Variants in METTL16 observed in about 807,000 individuals in gnomAD.
METTL16 encodes the protein RNA N(6)-adenosine-methyltransferase METTL16.
Under a neutral mutation model 57.9 loss-of-function variants are expected in METTL16, and 19 were observed. The ratio of observed to expected loss-of-function variants is 0.33; its 90% CI spans 0.23 to 0.48. METTL16 has a LOEUF of 0.48. Ranked by LOEUF, METTL16 falls within the 20% of genes least tolerant of loss-of-function variation. METTL16 has a pLI of 0.99. For synonymous variants in METTL16, 246 were observed against 255.6 expected, an observed-to-expected ratio of 0.96 and a Z score of 0.36; for missense variants, 434 against 691.5, an observed-to-expected ratio of 0.63 and a Z score of 4.18.
At chr17:2,441,436 C>T in intron 7 of METTL16, 54 bp downstream of exon 7, 2 of 1,309,548 alleles carry the variant, frequency 1.5e-6, no homozygotes, top group Non-Finnish European at 2.1e-6. Flanking sequence ...GTACTTGTGC[C>T]CCATGGATAC....
chr17:2,472,626 T>C (rs1309534336), intron 4 of METTL16, among the ~76,000 whole-genome samples: 1 of 151,824 alleles, frequency 6.6e-6, no homozygotes, highest in Non-Finnish European at 1.5e-5. Context: ...ATAAATGAGC[T>C]TTCTGCAATT....
intron 2 of METTL16, among the ~76,000 whole-genome samples, chr17:2,484,716 A>C (rs1013989426): frequency 6.6e-6 from 1 of 151,556 alleles, no homozygotes; most frequent in African/African-American, 2.4e-5. Context: ...CTGGTCTTGA[A>C]CTCCTGACCT....
intron 8 of METTL16, among the ~76,000 whole-genome samples, chr17:2,435,756 G>A (rs1305948497): frequency 2.4e-4 from 36 of 147,992 alleles, no homozygotes; most frequent in African/African-American, 8.4e-4. Flanking sequence ...CATTATTAGC[G>A]GCTTGGGGCT....
At chr17:2,503,695 G>A (rs7220778) in intron 1 of METTL16, among the ~76,000 whole-genome samples, 32,398 of 151,146 alleles carry the variant, frequency 0.21, 4,242 homozygotes, top group Middle Eastern at 0.32. Flanking sequence ...CAATAAATAT[G>A]GATCAACAAA....
intron 6 of METTL16, among the ~76,000 whole-genome samples, chr17:2,463,986 G>A (rs1397312706): frequency 1.3e-5 from 2 of 151,780 alleles, no homozygotes; most frequent in East Asian, 3.9e-4. Flanking sequence ...AAAAATTACA[G>A]GTGGCAGGTG....
intron 8 of METTL16, among the ~76,000 whole-genome samples, chr17:2,425,866 T>C (rs2066814108): frequency 6.6e-6 from 1 of 152,070 alleles, no homozygotes; most frequent in South Asian, 2.1e-4. Flanking sequence ...TTTGTATTTT[T>C]TGTAGAGATG....
intron 2 of METTL16, among the ~76,000 whole-genome samples, chr17:2,479,007 A>G (rs975846219): frequency 2.6e-5 from 4 of 152,194 alleles, no homozygotes; most frequent in African/African-American, 9.7e-5. Context: ...GACAGTCAGG[A>G]ATGGATCATA....
At chr17:2,495,239 AG>A (rs1237187056) in intron 2 of METTL16, among the ~76,000 whole-genome samples, 1 of 151,870 alleles carries the variant, frequency 6.6e-6, no homozygotes, top group Non-Finnish European at 1.5e-5. Flanking sequence ...CTGAGGTAAG[AG>A]GATCACCTGA....
chr17:2,418,071 G>C lies in METTL16; in HGVS notation c.*1899C>G, dbSNP rs570919524. 6.6e-6 allele frequency: 1 copy of C among 152,174 alleles called. No individual in the cohort carries two copies. The allele number at this position is 152,174 out of a possible 1,614,324, so 9.4% of individuals were successfully genotyped here. Reference sequence around the variant, plus strand: ...GAGTCTTGGCTCTGTGTGACCCTGGGTATTGTTTTTTGCAGCCTGACACAT... The same window carrying C: ...GAGTCTTGGCTCTGTGTGACCCTGGCTATTGTTTTTTGCAGCCTGACACAT... On this transcript the variant is annotated 3_prime_UTR_variant, in exon 10 of 10. Coordinates refer to ENST00000263092, the MANE Select transcript of METTL16 (RefSeq NM_024086.4).
intron 2 of METTL16, among the ~76,000 whole-genome samples, chr17:2,499,987 C>G (rs929778451): frequency 2.0e-5 from 3 of 152,140 alleles, no homozygotes; most frequent in Non-Finnish European, 4.4e-5. Flanking sequence ...CTCCTAACTT[C>G]AGGTGATCTG....
chr17:2,435,279 A>G (rs775217477), intron 8 of METTL16, among the ~76,000 whole-genome samples: 4 of 152,182 alleles, frequency 2.6e-5, no homozygotes, highest in Non-Finnish European at 4.4e-5. Flanking sequence ...AGTAACTTGC[A>G]CATTTACCCT....
At chr17:2,438,277 T>G in intron 7 of METTL16, 79 bp from the exon 8 acceptor site, 1 of 1,012,912 alleles carries the variant, frequency 9.9e-7, no homozygotes, top group Non-Finnish European at 1.6e-6. Flanking sequence ...TCATGCCATA[T>G]TATGTTGATC....
chr17:2,439,573 G>A (rs1049987789), intron 7 of METTL16, among the ~76,000 whole-genome samples: 1 of 152,070 alleles, frequency 6.6e-6, no homozygotes, highest in Admixed American at 6.6e-5. Context: ...AACCTATGTA[G>A]CTTGAGTTTC....
At position 2,417,058 on chromosome 17, in the gene METTL16, C is replaced by CTTTCTTTTTTTTTTTT. The variant is rs2066722449; in HGVS notation, c.*2911_*2912insAAAAAAAAAAAAGAAA. The CTTTCTTTTTTTTTTTT allele has an allele frequency of 1.6e-5, 1 of 61,534 alleles. No individual in the cohort carries two copies. Among genetic ancestry groups the CTTTCTTTTTTTTTTTT allele is most frequent in the Non-Finnish European group, 2.8e-5 (1 of 35,662 alleles). The allele number at this position is 61,534 out of a possible 1,614,324, so 3.8% of individuals were successfully genotyped here. ...TGAAAGCTGGCCTGCTCATGGGTTC[C>CTTTCTTTTTTTTTTTT]TTTTTTTTTTTTTTTTTTTTTTTTT... On this transcript the variant is annotated 3_prime_UTR_variant, in exon 10 of 10. Coordinates refer to ENST00000263092, the MANE Select transcript of METTL16 (RefSeq NM_024086.4).
chr17:2,434,947 A>G (rs2066899119), intron 8 of METTL16, among the ~76,000 whole-genome samples: 1 of 152,232 alleles, frequency 6.6e-6, no homozygotes, highest in African/African-American at 2.4e-5. Context: ...AACAAACGTC[A>G]AACTTCCTTC....
In METTL16 at chr17:2,419,892, G is replaced by A; in HGVS notation, c.*78C>T. 1 of 1,537,544 alleles carries A rather than the reference G, an allele frequency of 6.5e-7. No individual in the cohort carries two copies. Among genetic ancestry groups the A allele is most frequent in the Non-Finnish European group, 8.9e-7 (1 of 1,124,362 alleles). ...ACATCGTGCTACTAATGGGCCGCTG[G>A]TAGGATTCCTCTTGCCACCCCACAG... On this transcript the variant is annotated 3_prime_UTR_variant, in exon 10 of 10. Transcript: ENST00000263092.
At chr17:2,490,147 G>T (rs1867198) in intron 2 of METTL16, among the ~76,000 whole-genome samples, 1 of 152,102 alleles carries the variant, frequency 6.6e-6, no homozygotes, top group Admixed American at 6.5e-5. Flanking sequence ...GTAGGGACTC[G>T]ATATGCACGC....
chr17:2,504,448 A>G (rs1347981188), intron 1 of METTL16, among the ~76,000 whole-genome samples: 1 of 152,232 alleles, frequency 6.6e-6, no homozygotes, highest in Non-Finnish European at 1.5e-5. Context: ...AATCAAGGGA[A>G]GAAAGCTGAA....
chr17:2,462,358 G>T (rs2067156474), intron 6 of METTL16, among the ~76,000 whole-genome samples: 1 of 152,190 alleles, frequency 6.6e-6, no homozygotes, highest in South Asian at 2.1e-4. Flanking sequence ...CGAGTACAGA[G>T]TTACAGTTAC....
Sources: gnomAD v4.1 joint callset for allele counts (sites outside exome capture counted in the v4.1 genomes callset) on GRCh38, gnomAD v4.1.1 for gene constraint, MANE v1.5 for transcripts, NCBI Gene and HGNC (gene_info 2026-07-23, HGNC 2026-07-21) for gene names.